FRMPD4: variants seen among roughly 807,000 people sequenced by gnomAD.
The protein encoded by FRMPD4 is FERM and PDZ domain containing 4.
FRMPD4 carries 22 observed loss-of-function variants against 94.1 expected under a neutral mutation model. The observed-to-expected ratio is 0.23, with a 90% CI of 0.17 to 0.33. The LOEUF is 0.33. Ranked by LOEUF, FRMPD4 falls within the 10% of genes least tolerant of loss-of-function variation. The pLI is 1.00. For synonymous variants in FRMPD4, 631 were observed against 548.6 expected, an observed-to-expected ratio of 1.15 and a Z score of -2.10; for missense variants, 1,111 against 1,339.9, an observed-to-expected ratio of 0.83 and a Z score of 2.67.
At chrX:12,267,269 T>C (rs145445442) in intron 1 of FRMPD4, among the ~76,000 whole-genome samples, 2 of 112,347 alleles carry the variant, frequency 1.8e-5, no homozygotes, top group African/African-American at 6.5e-5. Context: ...AAAATACATT[T>C]TAAGCATGAC....
intron 3 of FRMPD4, among the ~76,000 whole-genome samples, chrX:11,989,609 A>G (rs965909922): frequency 1.8e-5 from 2 of 111,455 alleles, no homozygotes; most frequent in Non-Finnish European, 3.8e-5. Context: ...GTCAGTAATA[A>G]TTTAATTGTA....
intron 3 of FRMPD4, among the ~76,000 whole-genome samples, chrX:12,033,578 A>C (rs757852314): frequency 8.9e-6 from 1 of 111,967 alleles, no homozygotes; most frequent in Non-Finnish European, 1.9e-5. Context: ...TTACGGGATA[A>C]ACATCTTCAT....
intron 13 of FRMPD4, 81 bp downstream of exon 13, chrX:12,707,732 C>A: frequency 1.2e-6 from 1 of 800,745 alleles, no homozygotes; most frequent in Non-Finnish European, 1.8e-6. Flanking sequence ...ACAAGGCAGG[C>A]AAAAGTCAAT....
chrX:12,481,598 A>G (rs1244514904), intron 1 of FRMPD4, among the ~76,000 whole-genome samples: 1 of 110,453 alleles, frequency 9.1e-6, no homozygotes, highest in African/African-American at 3.3e-5. Context: ...TGTCTGTTTC[A>G]TGTATTATAT....
intron 1 of FRMPD4, among the ~76,000 whole-genome samples, chrX:11,860,671 C>T (rs1488835062): frequency 6.3e-5 from 7 of 111,659 alleles, no homozygotes; most frequent in Non-Finnish European, 1.3e-4. Flanking sequence ...AATGTTTCTG[C>T]CTGGGAAACA....
chrX:12,491,750 A>G (rs1367621228), intron 1 of FRMPD4, among the ~76,000 whole-genome samples: 1 of 112,201 alleles, frequency 8.9e-6, no homozygotes, highest in Non-Finnish European at 1.9e-5. Context: ...TTGAACATCT[A>G]TCATGTGCCT....
intron 3 of FRMPD4, among the ~76,000 whole-genome samples, chrX:11,928,464 G>C (rs1245600178): frequency 1.8e-5 from 2 of 111,780 alleles, no homozygotes; most frequent in Non-Finnish European, 3.8e-5. Context: ...GAACAGCATG[G>C]GGAAAACCGT....
intron 5 of FRMPD4, among the ~76,000 whole-genome samples, chrX:12,677,923 T>G (rs2059916912): frequency 8.9e-6 from 1 of 112,176 alleles, no homozygotes; most frequent in Admixed American, 9.5e-5. Flanking sequence ...ACCACGATTT[T>G]TACTGTTTTT....
chrX:12,636,852 G>A (rs1054886566), intron 4 of FRMPD4, among the ~76,000 whole-genome samples: 2 of 111,612 alleles, frequency 1.8e-5, no homozygotes, highest in Non-Finnish European at 3.8e-5. Context: ...TTGGTAATGG[G>A]AGCCCATTCA....
intron 1 of FRMPD4, among the ~76,000 whole-genome samples, chrX:12,225,402 T>C (rs972249101): frequency 4.5e-5 from 5 of 112,082 alleles, no homozygotes; most frequent in African/African-American, 1.6e-4. Flanking sequence ...CATAAATTGA[T>C]CCAAAGTTGC....
chrX:11,851,198 CTGTT>C (rs1413855687), intron 1 of FRMPD4, among the ~76,000 whole-genome samples: 5 of 111,552 alleles, frequency 4.5e-5, no homozygotes, highest in Non-Finnish European at 9.4e-5. Context: ...AAATGTTTCT[CTGTT>C]TGTTGTATGC....
chrX:12,192,933 C>T (rs1321981701), intron 1 of FRMPD4, among the ~76,000 whole-genome samples: 1 of 111,881 alleles, frequency 8.9e-6, no homozygotes, highest in Non-Finnish European at 1.9e-5. Context: ...CAGAAAGTAT[C>T]ACGTACTTAT....
chrX:12,096,547 G>A (rs1224045519), intron 3 of FRMPD4, among the ~76,000 whole-genome samples: 2 of 111,848 alleles, frequency 1.8e-5, no homozygotes, highest in Non-Finnish European at 1.9e-5. Flanking sequence ...GCATAGTCCT[G>A]TAGGAAGTGG....
intron 3 of FRMPD4, among the ~76,000 whole-genome samples, chrX:11,985,317 T>C (rs768885258): frequency 9.0e-6 from 1 of 111,488 alleles, no homozygotes; most frequent in South Asian, 3.8e-4. Flanking sequence ...GAACCCGCTG[T>C]CCTGAAGGAA....
At chrX:11,876,092 T>A (rs1396039589) in intron 2 of FRMPD4, among the ~76,000 whole-genome samples, 10 of 108,468 alleles carry the variant, frequency 9.2e-5, no homozygotes. Flanking sequence ...GCCAGGATGG[T>A]CTCGTTCGCC....
intron 8 of FRMPD4, among the ~76,000 whole-genome samples, chrX:12,693,158 A>ATT (rs1442093791): frequency 1.8e-5 from 2 of 112,313 alleles, no homozygotes; most frequent in East Asian, 5.6e-4. Flanking sequence ...AAGCTATTTT[A>ATT]TTTTAAATTT....
chrX:12,233,503 C>A (rs1289198733), intron 1 of FRMPD4, among the ~76,000 whole-genome samples: 3 of 111,539 alleles, frequency 2.7e-5, no homozygotes, highest in Non-Finnish European at 5.6e-5. Flanking sequence ...TTTTTTATAA[C>A]CTTAGCCTGA....
intron 2 of FRMPD4, among the ~76,000 whole-genome samples, chrX:12,533,572 A>G (rs772853794): frequency 6.2e-5 from 7 of 112,080 alleles, no homozygotes; most frequent in African/African-American, 2.3e-4. Context: ...TGATAATGAT[A>G]TGGACAGTGA....
At chrX:12,535,331 C>T (rs1051618573) in intron 2 of FRMPD4, among the ~76,000 whole-genome samples, 3 of 111,442 alleles carry the variant, frequency 2.7e-5, no homozygotes, top group Non-Finnish European at 5.6e-5. Context: ...TTATCAGCAG[C>T]GTGAAAATGG....
Sources: gnomAD v4.1 joint callset for allele counts (sites outside exome capture counted in the v4.1 genomes callset) on GRCh38, gnomAD v4.1.1 for gene constraint, MANE v1.5 for transcripts, NCBI Gene and HGNC (gene_info 2026-07-23, HGNC 2026-07-21) for gene names.